MMP16: variants seen among roughly 807,000 people sequenced by gnomAD.
The protein encoded by MMP16 is matrix metalloproteinase-16.
A neutral mutation model predicts 67.8 loss-of-function variants in MMP16; 12 were observed. The observed-to-expected ratio is 0.18, with a 90% CI of 0.11 to 0.29. The LOEUF is 0.29. Ranked by LOEUF, MMP16 falls within the 10% of genes least tolerant of loss-of-function variation. MMP16 has a pLI of 1.00. For synonymous variants in MMP16, 249 were observed against 255.9 expected (o/e 0.97, Z 0.26); for missense variants, 475 against 765.7 (o/e 0.62, Z 4.48).
Position 88,167,808 on chromosome 8 carries a change from A to G in MMP16, c.570T>C (p.Ser190=). Residue 190 remains serine, a synonymous_variant, in exon 4 of 10, where the codon TCT becomes TCC. Transcript: ENST00000286614. ...RDVDITIIFA[S]GFHGDSSPFD... is the part of the protein sequence containing the mutation. ...AGGGAGAGCTGTCCCCATGGAAACC[A>G]GATGCAAAAATAATGGTTATATCCA... The G allele has an allele frequency of 6.2e-7, 1 of 1,614,056 alleles. No individual in the cohort carries two copies. Among genetic ancestry groups the G allele is most frequent in the South Asian group, 1.1e-5 (1 of 91,086 alleles).
At chr8:88,098,376 G>A (rs556103365) in intron 6 of MMP16, among the ~76,000 whole-genome samples, 23 of 152,108 alleles carry the variant, frequency 1.5e-4, no homozygotes, top group Admixed American at 4.6e-4. Flanking sequence ...TGGGCTCAGC[G>A]TCTAGGTCTA....
At chr8:88,042,095 G>A (rs1023022723) in intron 9 of MMP16, among the ~76,000 whole-genome samples, 3 of 152,232 alleles carry the variant, frequency 2.0e-5, no homozygotes, top group African/African-American at 7.2e-5. Flanking sequence ...CTAGAAAAGA[G>A]AACCTTATCT....
chr8:88,241,460 T>C lies in MMP16; in HGVS notation c.133-44154A>G, dbSNP rs184657360. Reference sequence around the variant, plus strand: ...CAAGTATTCTTGATAAATATGAACATTTGAGAGCAGATGAGATTATTTAGG... The same window carrying C: ...CAAGTATTCTTGATAAATATGAACACTTGAGAGCAGATGAGATTATTTAGG... On this transcript the variant is annotated intron_variant, in intron 1 of 9. Transcript: ENST00000286614. Among the ~76,000 whole-genome samples, 405 of 152,202 alleles carry C rather than the reference T, an allele frequency of 2.7e-3. 4 individuals carry two copies. The Middle Eastern group carries it at 0.048, about 18-fold the overall frequency.
chr8:88,048,162 A>G (rs566404021), intron 8 of MMP16, among the ~76,000 whole-genome samples: 34 of 152,310 alleles, frequency 2.2e-4, no homozygotes, highest in African/African-American at 7.9e-4. Context: ...TTCAGACTTC[A>G]AAGTGGACCT....
intron 4 of MMP16, among the ~76,000 whole-genome samples, chr8:88,165,052 G>A (rs1291638930): frequency 6.6e-6 from 1 of 151,378 alleles, no homozygotes; most frequent in Non-Finnish European, 1.5e-5. Context: ...TATTTTCAGA[G>A]TGTTGGTTGA....
chr8:88,073,131 T>C (rs1808589465), intron 7 of MMP16, among the ~76,000 whole-genome samples: 1 of 152,308 alleles, frequency 6.6e-6, no homozygotes, highest in South Asian at 2.1e-4. Flanking sequence ...AACCTGCCCT[T>C]CTTTTTGTTG....
chr8:88,069,353 A>T (rs551806467), intron 7 of MMP16: 1 of 419,714 alleles, frequency 2.4e-6, no homozygotes, highest in African/African-American at 2.2e-5. Context: ...TAAATTTTCA[A>T]TTCCTGATTG....
chr8:88,246,438 A>G (rs1240849682), intron 1 of MMP16, among the ~76,000 whole-genome samples: 1 of 152,190 alleles, frequency 6.6e-6, no homozygotes, highest in Non-Finnish European at 1.5e-5. Context: ...CATGTGGCCA[A>G]TCTGGTCACC....
At chr8:88,318,557 T>A (rs2130081851) in intron 1 of MMP16, among the ~76,000 whole-genome samples, 1 of 152,260 alleles carries the variant, frequency 6.6e-6, no homozygotes, top group Middle Eastern at 3.4e-3. Context: ...AAGTTAATTC[T>A]CACCTGTATT....
chr8:88,183,764 G>A (rs1809022524), intron 3 of MMP16, among the ~76,000 whole-genome samples: 1 of 132,918 alleles, frequency 7.5e-6, no homozygotes, highest in African/African-American at 2.8e-5. Flanking sequence ...CATCCAGGCT[G>A]GAGTGCAATG....
intron 4 of MMP16, among the ~76,000 whole-genome samples, chr8:88,131,483 G>T (rs1285730547): frequency 2.6e-5 from 4 of 151,626 alleles, no homozygotes; most frequent in Admixed American, 2.6e-4. Context: ...TCCACTGTAT[G>T]CCCAACCAGA....
intron 7 of MMP16, among the ~76,000 whole-genome samples, chr8:88,056,976 A>G (rs960238791): frequency 6.6e-6 from 1 of 152,068 alleles, no homozygotes; most frequent in African/African-American, 2.4e-5. Flanking sequence ...ACAATTCTCT[A>G]CAGACAGCAC....
intron 9 of MMP16, among the ~76,000 whole-genome samples, chr8:88,046,295 A>G (rs28906969): frequency 6.6e-6 from 1 of 152,322 alleles, no homozygotes; most frequent in Non-Finnish European, 1.5e-5. Flanking sequence ...CATTATTACC[A>G]GATATAATAC....
rs544861223 is a variant in MMP16, at chr8:88,146,790, TAA to T, written c.709+20877_709+20878del. ...TCTTTAGAATGTCAATAAACCAAAA[TAA>T]AAAAAAAAACTATTTGGTAAATATT... On this transcript the variant is annotated intron_variant, in intron 4 of 9. Transcript: ENST00000286614. Among the ~76,000 whole-genome samples the T allele has an allele frequency of 2.3e-3, 327 of 145,182 alleles. 1 individual carries two copies. Among genetic ancestry groups the T allele is most frequent in the African/African-American group, 7.8e-3 (313 of 40,008 alleles).
chr8:88,085,645 A>G (rs1356579931), intron 6 of MMP16, among the ~76,000 whole-genome samples: 1 of 152,046 alleles, frequency 6.6e-6, no homozygotes, highest in East Asian at 1.9e-4. Flanking sequence ...TAAATTCACA[A>G]TTCTGAAATT....
chr8:88,158,176 G>T (rs1415172444), intron 4 of MMP16, among the ~76,000 whole-genome samples: 5 of 151,982 alleles, frequency 3.3e-5, no homozygotes, highest in African/African-American at 1.2e-4. Context: ...TAGTCCTTTG[G>T]GTATATACCC....
chr8:88,065,499 C>A (rs989726687), intron 7 of MMP16, among the ~76,000 whole-genome samples: 4 of 151,714 alleles, frequency 2.6e-5, no homozygotes, highest in African/African-American at 7.3e-5. Context: ...ACTAAAATTC[C>A]ATAAATATTT....
chr8:88,206,480 G>T (rs939277), intron 1 of MMP16, among the ~76,000 whole-genome samples: 148,323 of 152,200 alleles, frequency 0.97, 72,388 homozygotes, highest in East Asian at 1. Context: ...CATGTCTAAA[G>T]GATCCCAGTC....
At chr8:88,154,537 A>C (rs1808472683) in intron 4 of MMP16, among the ~76,000 whole-genome samples, 1 of 151,746 alleles carries the variant, frequency 6.6e-6, no homozygotes, top group South Asian at 2.1e-4. Flanking sequence ...CTATGCAGCC[A>C]TAAAAAATGA....
Sources: allele counts gnomAD v4.1 joint callset (sites outside exome capture counted in the v4.1 genomes callset), GRCh38; gene constraint gnomAD v4.1.1; transcripts MANE v1.5; gene names NCBI Gene and HGNC (gene_info 2026-07-23, HGNC 2026-07-21).